UCK2: variants seen among roughly 807,000 people sequenced by gnomAD.
UCK2 encodes the protein cytidine monophosphokinase 2.
UCK2 carries 6 observed loss-of-function variants against 30.8 expected under a neutral mutation model. The ratio of observed to expected loss-of-function variants is 0.19; its 90% CI spans 0.11 to 0.38. The LOEUF (loss-of-function observed/expected upper bound fraction) is 0.38, where lower values mean the gene tolerates loss of function less well. Among genes scored for constraint, UCK2 ranks in the 10% least tolerant of loss-of-function variants. The pLI is 1.00. For synonymous variants in UCK2, 125 were observed against 133.6 expected (o/e 0.94, Z 0.45); for missense variants, 210 against 339.8 (o/e 0.62, Z 3.00).
intron 1 of UCK2, among the ~76,000 whole-genome samples, chr1:165,876,202 GA>G (rs1224403583): frequency 6.6e-6 from 1 of 152,100 alleles, no homozygotes; most frequent in Non-Finnish European, 1.5e-5. Flanking sequence ...CATTTCTATG[GA>G]AACACAACAC....
chr1:165,910,968 G>C lies in UCK2; in HGVS notation c.*3145G>C, dbSNP rs1457659683. On this transcript the variant is annotated 3_prime_UTR_variant, in exon 7 of 7. Transcript: ENST00000367879. ...ACCTCGGAGCAGTCGGGCAGCAGGAGGGCCGGAAGCCTGGTTGGTTTGTAT... is the reference window on the plus strand; with the variant it reads ...ACCTCGGAGCAGTCGGGCAGCAGGACGGCCGGAAGCCTGGTTGGTTTGTAT... 1 of 152,454 alleles carries C rather than the reference G, an allele frequency of 6.6e-6. No individual in the cohort carries two copies. Among genetic ancestry groups the C allele is most frequent in the Non-Finnish European group, 1.5e-5 (1 of 68,244 alleles). The allele number at this position is 152,454 out of a possible 1,614,324, so 9.4% of individuals were successfully genotyped here.
chr1:165,865,014 TGC>T (rs1655016313), intron 1 of UCK2, among the ~76,000 whole-genome samples: 1 of 151,920 alleles, frequency 6.6e-6, no homozygotes, highest in African/African-American at 2.4e-5. Context: ...CACACACACA[TGC>T]ACACACACAC....
intron 1 of UCK2, among the ~76,000 whole-genome samples, chr1:165,835,537 A>T (rs1430983439): frequency 2.0e-5 from 3 of 151,956 alleles, no homozygotes; most frequent in African/African-American, 7.2e-5. Flanking sequence ...TTTTCATTAT[A>T]AATAAAGAGT....
chr1:165,847,503 C>G (rs1654481895), intron 1 of UCK2, among the ~76,000 whole-genome samples: 2 of 152,198 alleles, frequency 1.3e-5, no homozygotes, highest in Admixed American at 6.5e-5. Flanking sequence ...TCTTTTATCT[C>G]CATATTTCAA....
chr1:165,852,188 C>T (rs530080409), intron 1 of UCK2, among the ~76,000 whole-genome samples: 4 of 152,088 alleles, frequency 2.6e-5, no homozygotes, highest in African/African-American at 4.8e-5. Flanking sequence ...GAACTAATTA[C>T]AACAAAAGCC....
At chr1:165,893,462 C>T (rs1367972780) in intron 3 of UCK2, among the ~76,000 whole-genome samples, 6 of 152,188 alleles carry the variant, frequency 3.9e-5, no homozygotes, top group Admixed American at 1.3e-4. Context: ...AATTGGACAT[C>T]GAGCCATTCA....
rs142276090 is a variant in UCK2 at position 165,868,394 on chromosome 1, C to T, written c.100-21810C>T. Among the ~76,000 whole-genome samples the T allele has an allele frequency of 2.0e-5, 3 of 152,236 alleles. No homozygotes were observed. In the East Asian group the frequency reaches 5.8e-4, roughly 29 times the overall value. On this transcript the variant is annotated intron_variant, in intron 1 of 6. Coordinates refer to ENST00000367879, the MANE Select transcript of UCK2 (RefSeq NM_012474.5). ...AGTCAGGCATTGACTTCTCTAGCTG[C>T]GAAAGTCTTAGATGGCATACTATTT...
intron 1 of UCK2, among the ~76,000 whole-genome samples, chr1:165,856,406 A>ATTT (rs34440554): frequency 1.5e-5 from 2 of 136,088 alleles, no homozygotes; most frequent in African/African-American, 2.8e-5. Context: ...GTATTAGGTG[A>ATTT]TTTTTTTTTT....
rs867647586 is a variant in UCK2 at position 165,910,883 on chromosome 1, G to A, written c.*3060G>A. The A allele has an allele frequency of 6.6e-6, 1 of 152,242 alleles. No individual in the cohort carries two copies. The highest frequency in any genetic ancestry group is 1.5e-5 in the Non-Finnish European group (1 of 68,068). The allele number at this position is 152,242 out of a possible 1,614,324, so 9.4% of individuals were successfully genotyped here. ...CTTGGAGCTGGATACTTGTGGCCAC[G>A]CCCAGGATAGGTTGCCAGAGTTTCA... On this transcript the variant is annotated 3_prime_UTR_variant, in exon 7 of 7. Transcript: ENST00000367879.
chr1:165,866,161 G>A (rs1366181414), intron 1 of UCK2, among the ~76,000 whole-genome samples: 1 of 152,174 alleles, frequency 6.6e-6, no homozygotes, highest in African/African-American at 2.4e-5. Flanking sequence ...CATATATACC[G>A]GGAAGTAAAC....
intron 1 of UCK2, among the ~76,000 whole-genome samples, chr1:165,874,214 G>A (rs1426437500): frequency 6.6e-6 from 1 of 152,076 alleles, no homozygotes; most frequent in Admixed American, 6.6e-5. Context: ...ACAATCACCT[G>A]GGCCATTTCC....
chr1:165,828,181 C>G (rs371919852), intron 1 of UCK2, among the ~76,000 whole-genome samples: 1 of 152,076 alleles, frequency 6.6e-6, no homozygotes. Flanking sequence ...AGTGCTCCTC[C>G]GGCTTTTCTC....
At chr1:165,896,480 G>A (rs549662482) in intron 4 of UCK2, 148 bp downstream of exon 4, 17 of 855,560 alleles carry the variant, frequency 2.0e-5, no homozygotes, top group African/African-American at 3.3e-5. Context: ...GCCCGGCTGC[G>A]TCAGTCCAGC....
chr1:165,827,801 G>A lies in UCK2; in HGVS notation c.-33G>A. The A allele has an allele frequency of 2.2e-6, 3 of 1,371,112 alleles. No homozygotes were observed. Among genetic ancestry groups the A allele is most frequent in the Non-Finnish European group, 2.9e-6 (3 of 1,050,904 alleles). The allele number at this position is 1,371,112 out of a possible 1,614,324, so 84.9% of individuals were successfully genotyped here. A position where few individuals can be genotyped will look rare whatever the true frequency, so the allele number is the denominator to read the frequency against. On this transcript the variant is annotated 5_prime_UTR_variant, in exon 1 of 7. Coordinates refer to ENST00000367879, the MANE Select transcript of UCK2 (RefSeq NM_012474.5). ...GCGGGCGGGGAGCGTGCGTCCGTTC[G>A]CACAGGCAGCGGGAGGAGGGGCGGC...
intron 1 of UCK2, among the ~76,000 whole-genome samples, chr1:165,867,465 A>AT (rs1655074730): frequency 6.6e-6 from 1 of 152,236 alleles, no homozygotes; most frequent in Non-Finnish European, 1.5e-5. Context: ...AAAATAAAAA[A>AT]TTTAAAAAAA....
intron 1 of UCK2, among the ~76,000 whole-genome samples, chr1:165,864,600 G>T (rs1654998798): frequency 6.6e-6 from 1 of 152,124 alleles, no homozygotes; most frequent in Non-Finnish European, 1.5e-5. Flanking sequence ...TTCTTAAAAT[G>T]TATGTATGGA....
At chr1:165,866,331 C>G (rs1303129748) in intron 1 of UCK2, among the ~76,000 whole-genome samples, 1 of 152,110 alleles carries the variant, frequency 6.6e-6, no homozygotes, top group African/African-American at 2.4e-5. Flanking sequence ...TACTTTTCAC[C>G]ACTTTGAACC....
At position 165,875,712 on chromosome 1, in the gene UCK2, TA is replaced by T. The variant is rs551815309; in HGVS notation, c.100-14489del. 1.6e-3 allele frequency among the ~76,000 whole-genome samples: 244 copies of T among 152,282 alleles called. 1 individual carries two copies. Among genetic ancestry groups the T allele is most frequent in the African/African-American group, 5.8e-3 (239 of 41,546 alleles). On this transcript the variant is annotated intron_variant, in intron 1 of 6. Transcript: ENST00000367879. The stretch of plus-strand genomic sequence containing the variant: ...AACACTTATGTTTACTGGTTTATTA[TA>T]AAGGATATTTTGCAAAGGACACAGA...
intron 1 of UCK2, among the ~76,000 whole-genome samples, chr1:165,832,155 AT>A (rs1324048817): frequency 6.6e-6 from 1 of 152,170 alleles, no homozygotes; most frequent in Non-Finnish European, 1.5e-5. Context: ...TCTTTTTGTA[AT>A]GGCCTTTAGT....
Sources: gnomAD v4.1 joint callset for allele counts (sites outside exome capture counted in the v4.1 genomes callset) on GRCh38, gnomAD v4.1.1 for gene constraint, MANE v1.5 for transcripts, NCBI Gene and HGNC (gene_info 2026-07-23, HGNC 2026-07-21) for gene names.